Variants in RBFOX1 observed in about 807,000 individuals in gnomAD.
RBFOX1 encodes the protein RNA binding fox-1 homolog 1.
A neutral mutation model predicts 57.7 loss-of-function variants in RBFOX1; 8 were observed. That is an observed-to-expected ratio of 0.14 (90% CI 0.08 to 0.25). The LOEUF is 0.25. Among genes scored for constraint, RBFOX1 ranks in the 10% least tolerant of loss-of-function variants. The probability of loss-of-function intolerance (pLI) is 1.00; values close to 1 mark genes in which losing one functional copy is unlikely to be tolerated. For synonymous variants in RBFOX1, 326 were observed against 222.4 expected, an observed-to-expected ratio of 1.47 and a Z score of -4.15; for missense variants, 611 against 548.5, an observed-to-expected ratio of 1.11 and a Z score of -1.14.
chr16:6,029,131 C>G (rs942303181), intron 1 of RBFOX1, among the ~76,000 whole-genome samples: 5 of 152,184 alleles, frequency 3.3e-5, no homozygotes, highest in African/African-American at 9.7e-5. Flanking sequence ...AGCCTCTCAC[C>G]CCATGACTCT....
At chr16:7,461,401 C>T (rs2059560916) in intron 4 of RBFOX1, among the ~76,000 whole-genome samples, 3 of 152,058 alleles carry the variant, frequency 2.0e-5, no homozygotes, top group South Asian at 2.1e-4. Context: ...CTGTTGACCT[C>T]GTGATCCGCT....
At chr16:7,416,794 G>A (rs145682623) in intron 4 of RBFOX1, among the ~76,000 whole-genome samples, 323 of 152,214 alleles carry the variant, frequency 2.1e-3, no homozygotes, top group Non-Finnish European at 3.7e-3. Flanking sequence ...ACGATAGTGA[G>A]TAGATATCAT....
chr16:7,673,827 C>T (rs1428141699), intron 13 of RBFOX1, among the ~76,000 whole-genome samples: 9 of 152,180 alleles, frequency 5.9e-5, no homozygotes, highest in African/African-American at 1.7e-4. Flanking sequence ...TGTCATGCCT[C>T]GTTCCTTTGG....
At chr16:6,134,748 G>T (rs896105891) in intron 1 of RBFOX1, among the ~76,000 whole-genome samples, 1 of 151,776 alleles carries the variant, frequency 6.6e-6, no homozygotes, top group Admixed American at 6.6e-5. Flanking sequence ...TGTGATGTCG[G>T]CTCACTGCAA....
At chr16:5,425,260 C>A (rs2067522803) in intron 1 of RBFOX1, among the ~76,000 whole-genome samples, 1 of 151,950 alleles carries the variant, frequency 6.6e-6, no homozygotes, top group Admixed American at 6.6e-5. Flanking sequence ...CGTGCACCAC[C>A]ACGTCCAGCT....
intron 3 of RBFOX1, among the ~76,000 whole-genome samples, chr16:6,976,220 T>C (rs1451794401): frequency 6.6e-6 from 1 of 152,186 alleles, no homozygotes; most frequent in African/African-American, 2.4e-5. Context: ...ATGAGCATTC[T>C]AATTATTACA....
chr16:5,654,708 C>A (rs1278288584), intron 3 of RBFOX1, among the ~76,000 whole-genome samples: 1 of 152,172 alleles, frequency 6.6e-6, no homozygotes, highest in Non-Finnish European at 1.5e-5. Flanking sequence ...GTGGATCCTA[C>A]TGCCTGGTGT....
intron 14 of RBFOX1, among the ~76,000 whole-genome samples, chr16:7,701,439 C>G (rs947315135): frequency 1.3e-5 from 2 of 152,148 alleles, no homozygotes; most frequent in Admixed American, 6.5e-5. Context: ...GTAAACTGTG[C>G]ATGTGAGGCA....
chr16:7,154,546 G>C (rs1051536620), intron 4 of RBFOX1, among the ~76,000 whole-genome samples: 25 of 152,178 alleles, frequency 1.6e-4, no homozygotes, highest in African/African-American at 5.8e-4. Flanking sequence ...TGAGTTGTTA[G>C]ATAGTCTTCC....
At chr16:7,043,270 CT>C (rs1331118144) in intron 3 of RBFOX1, among the ~76,000 whole-genome samples, 1 of 152,096 alleles carries the variant, frequency 6.6e-6, no homozygotes, top group African/African-American at 2.4e-5. Context: ...CCTGTTTTTT[CT>C]TTTCTATCAC....
intron 3 of RBFOX1, among the ~76,000 whole-genome samples, chr16:7,005,247 C>G (rs1035386714): frequency 6.6e-6 from 1 of 152,164 alleles, no homozygotes; most frequent in Non-Finnish European, 1.5e-5. Context: ...GTGCTAATAG[C>G]TTTCCCCTTA....
chr16:5,972,167 G>A (rs1052005422), intron 4 of RBFOX1, among the ~76,000 whole-genome samples: 1 of 152,112 alleles, frequency 6.6e-6, no homozygotes, highest in African/African-American at 2.4e-5. Context: ...AATTGTGTGA[G>A]CCAATTCCTT....
At chr16:7,235,221 T>C (rs2093708901) in intron 4 of RBFOX1, among the ~76,000 whole-genome samples, 1 of 152,190 alleles carries the variant, frequency 6.6e-6, no homozygotes, top group South Asian at 2.1e-4. Context: ...AAGGAGAGAA[T>C]AGCTCTGGGA....
chr16:7,604,083 A>T (rs748515757), intron 9 of RBFOX1, among the ~76,000 whole-genome samples: 1 of 152,176 alleles, frequency 6.6e-6, no homozygotes, highest in Non-Finnish European at 1.5e-5. Flanking sequence ...TGGATCACAC[A>T]TGGGGTATGA....
chr16:6,012,352 T>C (rs2094966469), intron 4 of RBFOX1, among the ~76,000 whole-genome samples: 1 of 152,232 alleles, frequency 6.6e-6, no homozygotes, highest in South Asian at 2.1e-4. Flanking sequence ...TTAGTAGTTC[T>C]GTTACCACCA....
chr16:5,755,969 C>T (rs978757899), intron 3 of RBFOX1, among the ~76,000 whole-genome samples: 2 of 152,098 alleles, frequency 1.3e-5, no homozygotes, highest in African/African-American at 4.8e-5. Flanking sequence ...AGCAGGCAGA[C>T]ATCACAGTTT....
intron 2 of RBFOX1, among the ~76,000 whole-genome samples, chr16:6,395,897 C>T (rs1460372730): frequency 1.3e-5 from 2 of 151,784 alleles, no homozygotes; most frequent in Admixed American, 6.6e-5. Context: ...GAAACCCCGT[C>T]TCTGCTAAAA....
intron 1 of RBFOX1, among the ~76,000 whole-genome samples, chr16:6,214,274 A>G (rs2097316793): frequency 6.6e-6 from 1 of 152,104 alleles, no homozygotes; most frequent in Non-Finnish European, 1.5e-5. Context: ...GCTAGTATGC[A>G]TTAGGAATCT....
At chr16:6,240,739 G>T (rs1476880852) in intron 1 of RBFOX1, among the ~76,000 whole-genome samples, 3 of 151,896 alleles carry the variant, frequency 2.0e-5, no homozygotes, top group Non-Finnish European at 4.4e-5. Flanking sequence ...GAACACTGAC[G>T]TCTTGGCTAC....
Sources: allele counts gnomAD v4.1 joint callset (sites outside exome capture counted in the v4.1 genomes callset), GRCh38; gene constraint gnomAD v4.1.1; transcripts MANE v1.5; gene names NCBI Gene and HGNC (gene_info 2026-07-23, HGNC 2026-07-21).